The following GRIK2 variants were observed in gnomAD, a reference collection of about 807,000 sequenced individuals.
GRIK2 encodes the protein glutamate receptor ionotropic, kainate 2.
In GRIK2, 32 loss-of-function variants were observed where a neutral mutation model predicts 100.3. That is an observed-to-expected ratio of 0.32 (90% confidence interval 0.24 to 0.43). The LOEUF is 0.43. Among genes scored for constraint, GRIK2 ranks in the 20% least tolerant of loss-of-function variants. The pLI is 1.00. For missense variants in GRIK2, 843 were observed against 1,114.9 expected (o/e 0.76, Z 3.47); for synonymous variants, 417 against 389.4 (o/e 1.07, Z -0.83).
intron 11 of GRIK2, among the ~76,000 whole-genome samples, chr6:101,870,983 A>T (rs1785379025): frequency 6.6e-6 from 1 of 151,884 alleles, no homozygotes; most frequent in Non-Finnish European, 1.5e-5. Flanking sequence ...AAATAAACAT[A>T]CACAAAAATC....
chr6:101,802,300 A>C (rs187655348), intron 8 of GRIK2, 31 bp from the exon 9 acceptor site: 1 of 878,694 alleles, frequency 1.1e-6, no homozygotes, highest in Admixed American at 2.4e-5. Flanking sequence ...TTCTTCACTT[A>C]TTTATTATCA....
chr6:101,482,611 TAA>T (rs1381973984), intron 2 of GRIK2, among the ~76,000 whole-genome samples: 2 of 152,088 alleles, frequency 1.3e-5, no homozygotes, highest in Non-Finnish European at 2.9e-5. Context: ...TATGGAAATG[TAA>T]AATGTGTGTG....
chr6:101,664,560 G>T (rs1769869408), intron 4 of GRIK2, among the ~76,000 whole-genome samples: 1 of 152,344 alleles, frequency 6.6e-6, no homozygotes, highest in Middle Eastern at 3.4e-3. Context: ...GAAGCCAAAA[G>T]GTTTTAGCCT....
chr6:101,488,324 G>T (rs1286693907), intron 2 of GRIK2, among the ~76,000 whole-genome samples: 1 of 146,672 alleles, frequency 6.8e-6, no homozygotes, highest in Non-Finnish European at 1.5e-5. Context: ...GTCTTCATAG[G>T]TTACATAGGC....
intron 14 of GRIK2, among the ~76,000 whole-genome samples, chr6:101,985,421 C>A (rs1362111315): frequency 6.6e-6 from 1 of 151,704 alleles, no homozygotes; most frequent in Non-Finnish European, 1.5e-5. Context: ...CTTATCTTCC[C>A]TGGTGACATT....
intron 2 of GRIK2, among the ~76,000 whole-genome samples, chr6:101,405,992 C>T (rs532260973): frequency 1.3e-4 from 20 of 152,276 alleles, no homozygotes; most frequent in African/African-American, 4.8e-4. Context: ...CTCATTTTTA[C>T]CTTCTCGCCC....
Position 102,068,649 on chromosome 6 carries a change from T to C in GRIK2, c.*138T>C, listed in dbSNP as rs1373842294. The C allele has an allele frequency of 2.9e-6, 2 of 679,220 alleles. No individual in the cohort carries two copies. Among genetic ancestry groups the C allele is most frequent in the African/African-American group, 3.6e-5 (2 of 54,890 alleles). 42.1% of individuals were successfully genotyped at this position (679,220 alleles called of 1,614,324 possible). A position where few individuals can be genotyped will look rare whatever the true frequency, so the allele number is the denominator to read the frequency against. ...GCCGCTGTGTCTATGAACTAGAGAC[T>C]CTGTGATCTAAGCAGTTGCAATGAT... On this transcript the variant is annotated 3_prime_UTR_variant, in exon 17 of 17. Coordinates refer to ENST00000369134, the MANE Select transcript of GRIK2 (RefSeq NM_021956.5).
At chr6:101,942,709 A>T (rs1189296197) in intron 14 of GRIK2, among the ~76,000 whole-genome samples, 1 of 152,232 alleles carries the variant, frequency 6.6e-6, no homozygotes, top group Non-Finnish European at 1.5e-5. Context: ...AAAGCAGCAA[A>T]GTATTCATGA....
intron 15 of GRIK2, among the ~76,000 whole-genome samples, chr6:102,038,371 T>A (rs909788308): frequency 6.6e-6 from 1 of 151,370 alleles, no homozygotes; most frequent in Non-Finnish European, 1.5e-5. Context: ...GGAGTGAGAC[T>A]CATATATTAC....
chr6:101,729,414 C>T (rs1193234985), intron 7 of GRIK2, among the ~76,000 whole-genome samples: 3 of 151,818 alleles, frequency 2.0e-5, no homozygotes, highest in Non-Finnish European at 2.9e-5. Context: ...TATCATTTTG[C>T]CATCATTGCA....
In GRIK2 at chr6:101,911,833, C is replaced by T. The variant is rs536030109; in HGVS notation, c.1749-12768C>T. Among the ~76,000 whole-genome samples the T allele has an allele frequency of 3.3e-5, 5 of 151,430 alleles. 1 individual carries two copies. Among genetic ancestry groups the T allele is most frequent in the African/African-American group, 1.2e-4 (5 of 41,384 alleles). On this transcript the variant is annotated intron_variant, in intron 12 of 16. Transcript: ENST00000369134. ...TCATCTTATTACACAATAATACACA[C>T]ACATAATTTAAGTATGTAAGTTGAA...
intron 2 of GRIK2, among the ~76,000 whole-genome samples, chr6:101,525,391 G>C (rs562602859): frequency 9.9e-5 from 15 of 152,280 alleles, no homozygotes; most frequent in African/African-American, 3.6e-4. Flanking sequence ...TAAGGTTTCA[G>C]TATTCTGATG....
chr6:101,452,755 TA>T (rs1187971647), intron 2 of GRIK2, among the ~76,000 whole-genome samples: 1 of 151,742 alleles, frequency 6.6e-6, no homozygotes, highest in African/African-American at 2.4e-5. Flanking sequence ...TCTTGTGTTT[TA>T]AAAAAAACCC....
intron 16 of GRIK2, among the ~76,000 whole-genome samples, chr6:102,058,291 T>C (rs1052938253): frequency 2.0e-5 from 3 of 151,754 alleles, no homozygotes; most frequent in African/African-American, 7.2e-5. Flanking sequence ...TTTTTGTTTG[T>C]ATCTCCAAGG....
chr6:101,724,461 T>C (rs922236132), intron 7 of GRIK2, among the ~76,000 whole-genome samples: 8 of 152,056 alleles, frequency 5.3e-5, no homozygotes, highest in Admixed American at 1.3e-4. Flanking sequence ...TTTTCTGTTT[T>C]TGAGTAAATT....
At chr6:101,715,805 G>A (rs748561819) in intron 7 of GRIK2, among the ~76,000 whole-genome samples, 2 of 151,792 alleles carry the variant, frequency 1.3e-5, no homozygotes, top group South Asian at 2.1e-4. Context: ...TGATATTTTG[G>A]TTCTAACTCC....
intron 2 of GRIK2, among the ~76,000 whole-genome samples, chr6:101,589,697 A>T (rs1300018309): frequency 3.3e-5 from 5 of 152,056 alleles, no homozygotes; most frequent in African/African-American, 1.2e-4. Context: ...TATGCTCAGT[A>T]TTGGTTTTTA....
At chr6:101,914,081 G>A (rs1012420729) in intron 12 of GRIK2, among the ~76,000 whole-genome samples, 1 of 151,278 alleles carries the variant, frequency 6.6e-6, no homozygotes, top group Non-Finnish European at 1.5e-5. Flanking sequence ...GAGGTAATTA[G>A]AGCCCACCAA....
At chr6:101,856,561 T>C (rs542732493) in intron 10 of GRIK2, among the ~76,000 whole-genome samples, 1 of 152,262 alleles carries the variant, frequency 6.6e-6, no homozygotes, top group South Asian at 2.1e-4. Flanking sequence ...TTAGAGCTCA[T>C]AACTAATTTT....
Sources: gnomAD v4.1 joint callset for allele counts (sites outside exome capture counted in the v4.1 genomes callset) on GRCh38, gnomAD v4.1.1 for gene constraint, MANE v1.5 for transcripts, NCBI Gene and HGNC (gene_info 2026-07-23, HGNC 2026-07-21) for gene names.